Variants in BAIAP2L1 observed in about 807,000 individuals in gnomAD.
The protein encoded by BAIAP2L1 is BAR/IMD domain containing adaptor protein 2 like 1.
BAIAP2L1 carries 35 observed loss-of-function variants against 66.3 expected under a neutral mutation model. The observed-to-expected ratio is 0.53, with a 90% confidence interval of 0.40 to 0.70. The LOEUF (loss-of-function observed/expected upper bound fraction) is 0.70. Among genes scored for constraint, BAIAP2L1 ranks in the 30% least tolerant of loss-of-function variants. The pLI is 0.00. For missense variants in BAIAP2L1, 622 were observed against 656.9 expected (o/e 0.95, Z 0.58); for synonymous variants, 269 against 248.7 (o/e 1.08, Z -0.77).
intron 7 of BAIAP2L1, among the ~76,000 whole-genome samples, chr7:98,313,182 C>T (rs144963961): frequency 6.2e-4 from 93 of 150,028 alleles, no homozygotes; most frequent in African/African-American, 2.3e-3. Context: ...TCTGCAGCAC[C>T]GTGGACCAGC....
intron 1 of BAIAP2L1, among the ~76,000 whole-genome samples, chr7:98,397,428 G>GC (rs1803241669): frequency 4.8e-5 from 7 of 147,052 alleles, no homozygotes; most frequent in African/African-American, 1.8e-4. Context: ...TGGTTCAAGC[G>GC]ATTATCCTGC....
intron 3 of BAIAP2L1, among the ~76,000 whole-genome samples, chr7:98,339,693 G>A (rs1003153433): frequency 1.6e-4 from 24 of 152,196 alleles, no homozygotes; most frequent in Admixed American, 4.6e-4. Context: ...CTACCTGTGC[G>A]TGTGACCGCA....
chr7:98,310,686 C>CTATTCATT (rs1800838035), intron 8 of BAIAP2L1, 94 bp from the exon 9 acceptor site: 2 of 804,296 alleles, frequency 2.5e-6, no homozygotes, highest in South Asian at 2.3e-5. Context: ...AAATAATAGG[C>CTATTCATT]TATTTATTTA....
intron 1 of BAIAP2L1, among the ~76,000 whole-genome samples, chr7:98,387,057 A>C (rs1259563322): frequency 6.6e-6 from 1 of 152,110 alleles, no homozygotes; most frequent in Admixed American, 6.6e-5. Flanking sequence ...AACTTAACCT[A>C]CACGCGTATT....
chr7:98,352,737 C>T (rs145035103), intron 3 of BAIAP2L1, among the ~76,000 whole-genome samples: 18 of 152,288 alleles, frequency 1.2e-4, no homozygotes, highest in African/African-American at 3.8e-4. Flanking sequence ...AATGAAAGTT[C>T]TAAGCCTGTG....
intron 1 of BAIAP2L1, among the ~76,000 whole-genome samples, chr7:98,365,267 T>G (rs1213895875): frequency 1.3e-5 from 2 of 152,150 alleles, no homozygotes; most frequent in Non-Finnish European, 2.9e-5. Flanking sequence ...CTGTTTTATT[T>G]CTTGTCTCTT....
intron 3 of BAIAP2L1, among the ~76,000 whole-genome samples, chr7:98,334,792 C>T (rs956563264): frequency 4.0e-5 from 6 of 151,450 alleles, no homozygotes; most frequent in Non-Finnish European, 5.9e-5. Flanking sequence ...GTGATCCGCC[C>T]GCCTCGGCCT....
intron 10 of BAIAP2L1, 173 bp from the exon 11 acceptor site, chr7:98,306,689 CTGAACAA>C (rs1800669783): frequency 1.1e-6 from 1 of 948,600 alleles, no homozygotes; most frequent in Admixed American, 2.8e-5. Flanking sequence ...TTCACATACA[CTGAACAA>C]TGTGTATTGT....
intron 1 of BAIAP2L1, among the ~76,000 whole-genome samples, chr7:98,393,363 A>G (rs1803117733): frequency 6.6e-6 from 1 of 151,578 alleles, no homozygotes; most frequent in South Asian, 2.1e-4. Flanking sequence ...TTATTACATA[A>G]GGGATGTTGA....
At chr7:98,349,324 G>A (rs577831221) in intron 3 of BAIAP2L1, among the ~76,000 whole-genome samples, 6 of 152,284 alleles carry the variant, frequency 3.9e-5, no homozygotes, top group African/African-American at 1.4e-4. Context: ...CCGGAGACCC[G>A]TGTTTCTGTA....
intron 13 of BAIAP2L1, 51 bp downstream of exon 13, chr7:98,294,023 C>G (rs995205332): frequency 6.3e-7 from 1 of 1,599,256 alleles, no homozygotes; most frequent in South Asian, 1.1e-5. Context: ...GGGGACACTA[C>G]AGGGAAGAGC....
chr7:98,310,215 C>T (rs932798401), intron 9 of BAIAP2L1: 10 of 494,478 alleles, frequency 2.0e-5, no homozygotes, highest in East Asian at 8.0e-5. Flanking sequence ...TCAGTCAGTG[C>T]GTAGAACTGG....
intron 2 of BAIAP2L1, among the ~76,000 whole-genome samples, chr7:98,360,069 C>T (rs1028549344): frequency 1.4e-4 from 21 of 152,022 alleles, no homozygotes; most frequent in African/African-American, 4.4e-4. Context: ...ATCACAGGCA[C>T]GTGCCACCAC....
At chr7:98,339,375 G>A (rs1049671833) in intron 3 of BAIAP2L1, among the ~76,000 whole-genome samples, 17 of 152,158 alleles carry the variant, frequency 1.1e-4, no homozygotes, top group East Asian at 9.6e-4. Flanking sequence ...ATGATGTTGC[G>A]CATCTTTTCA....
At chr7:98,342,041 A>ATTTTTTTTTTTTTTT (rs142061599) in intron 3 of BAIAP2L1, among the ~76,000 whole-genome samples, 1 of 95,070 alleles carries the variant, frequency 1.1e-5, no homozygotes, top group Non-Finnish European at 2.0e-5. Flanking sequence ...TTTTTTTCTG[A>ATTTTTTTTTTTTTTT]TTTTTTTTTT....
At chr7:98,328,650 C>A (rs1014955247) in intron 3 of BAIAP2L1, among the ~76,000 whole-genome samples, 1 of 142,892 alleles carries the variant, frequency 7.0e-6, no homozygotes, top group Admixed American at 7.3e-5. Flanking sequence ...AGTTGGAGAC[C>A]AGCCTGGCAA....
chr7:98,388,493 A>T (rs561384669), intron 1 of BAIAP2L1, among the ~76,000 whole-genome samples: 4 of 151,364 alleles, frequency 2.6e-5, no homozygotes, highest in Non-Finnish European at 5.9e-5. Flanking sequence ...ACTCCCTCTC[A>T]AAAACAAAAC....
intron 3 of BAIAP2L1, among the ~76,000 whole-genome samples, chr7:98,324,017 AG>A (rs1244916968): frequency 6.6e-6 from 1 of 151,572 alleles, no homozygotes; most frequent in African/African-American, 2.4e-5. Context: ...ACATTTGAAA[AG>A]GGGGAAAAAA....
chr7:98,348,509 G>A (rs895247315), intron 3 of BAIAP2L1, among the ~76,000 whole-genome samples: 2 of 150,270 alleles, frequency 1.3e-5, no homozygotes, highest in African/African-American at 4.9e-5. Context: ...AGAGGTTGCA[G>A]TGAGCCGAGA....
Sources: gnomAD v4.1 joint callset for allele counts (sites outside exome capture counted in the v4.1 genomes callset) on GRCh38, gnomAD v4.1.1 for gene constraint, MANE v1.5 for transcripts, NCBI Gene and HGNC (gene_info 2026-07-23, HGNC 2026-07-21) for gene names.